PDE4C: variants seen among roughly 807,000 people sequenced by gnomAD.
PDE4C encodes the protein phosphodiesterase 4C, also known as 3',5'-cyclic-AMP phosphodiesterase 4C.
A neutral mutation model predicts 63.9 loss-of-function variants in PDE4C; 50 were observed. The observed-to-expected ratio is 0.78, with a 90% CI of 0.62 to 0.99. PDE4C has a LOEUF of 0.99. Ranked by LOEUF, PDE4C falls within the 50% of genes least tolerant of loss-of-function variation. PDE4C has a pLI of 0.00. For synonymous variants in PDE4C, 377 were observed against 385.1 expected (o/e 0.98, Z 0.25); for missense variants, 777 against 899.1 (o/e 0.86, Z 1.74).
At chr19:18,246,083 T>C (rs1435387538) in intron 1 of PDE4C, among the ~76,000 whole-genome samples, 1 of 150,968 alleles carries the variant, frequency 6.6e-6, no homozygotes, top group African/African-American at 2.4e-5. Context: ...TGGTGTGATC[T>C]TGGCTCACTG....
chr19:18,224,201 G>A, intron 1 of PDE4C: 1 of 985,450 alleles, frequency 1.0e-6, no homozygotes, highest in Non-Finnish European at 1.2e-6. Flanking sequence ...AAAGGGCGTA[G>A]GGCAAGAACT....
chr19:18,242,368 C>CG (rs1474980489), intron 1 of PDE4C, among the ~76,000 whole-genome samples: 1 of 146,252 alleles, frequency 6.8e-6, no homozygotes, highest in Non-Finnish European at 1.5e-5. Flanking sequence ...CCCAGCTACT[C>CG]GGTAGGCTGA....
rs756937001 is a variant in PDE4C at position 18,218,930 on chromosome 19, G to A, written c.969+10C>T. The A allele has an allele frequency of 6.2e-7, 1 of 1,601,376 alleles. No homozygotes were observed. The highest frequency in any genetic ancestry group is 8.6e-7 in the Non-Finnish European group (1 of 1,168,420). ...AGTTTTTCCTTGGAAGCCAAGGGCA[G>A]GGTAGGTACCTGAAAAATGCTGAAT... On this transcript the variant is annotated intron_variant, in intron 9 of 14. Coordinates refer to ENST00000262805, the Ensembl canonical transcript of PDE4C.
At chr19:18,242,732 C>A (rs1969063765) in intron 1 of PDE4C, among the ~76,000 whole-genome samples, 1 of 149,456 alleles carries the variant, frequency 6.7e-6, no homozygotes, top group East Asian at 2.0e-4. Context: ...TTTCAGTGAG[C>A]CAAGATCGCA....
At chr19:18,241,151 G>A (rs1374213878) in intron 1 of PDE4C, among the ~76,000 whole-genome samples, 1 of 152,130 alleles carries the variant, frequency 6.6e-6, no homozygotes, top group African/African-American at 2.4e-5. Flanking sequence ...GGAATGAAGA[G>A]GGTGGGGTGT....
At chr19:18,233,050 A>C (rs1313499863) in exon 1 of PDE4C, 8 of 1,566,230 alleles carry the variant, frequency 5.1e-6, no homozygotes, top group Non-Finnish European at 6.9e-6. Flanking sequence ...TCCGGATCCG[A>C]ATAGAAGCGC....
rs1175399970 is a variant in PDE4C at position 18,211,839 on chromosome 19, G to A, written c.1615C>T (p.Gln539Ter). 6.2e-7 allele frequency: 1 copy of A among 1,614,256 alleles called. No individual in the cohort carries two copies. The highest frequency in any genetic ancestry group is 1.3e-5 in the African/African-American group (1 of 75,072). Reference sequence around the variant, plus strand: ...CCCGACTCACGCTCGCGGTCTCCCTGCTGGAAGAACTCGGCCATGATGCGG... The same window carrying A: ...CCCGACTCACGCTCGCGGTCTCCCTACTGGAAGAACTCGGCCATGATGCGG... Residue 539 changes from glutamine (Q) to a stop codon, truncating the protein, a stop_gained, in exon 14 of 15, where the codon CAG (glutamine) becomes TAG (stop). Coordinates refer to ENST00000262805, the Ensembl canonical transcript of PDE4C. LOFTEE classifies it high-confidence loss of function.
chr19:18,234,715 CT>C (rs1968921261), upstream of PDE4C, among the ~76,000 whole-genome samples: 1 of 152,138 alleles, frequency 6.6e-6, no homozygotes, highest in Non-Finnish European at 1.5e-5. Flanking sequence ...TCAACAAGGT[CT>C]TTCCCATGGA....
chr19:18,238,549 T>G (rs944989268), upstream of PDE4C, among the ~76,000 whole-genome samples: 2 of 152,058 alleles, frequency 1.3e-5, no homozygotes, highest in Non-Finnish European at 2.9e-5. Context: ...AGACCCTGTC[T>G]CTAAAAATAA....
upstream of PDE4C, among the ~76,000 whole-genome samples, chr19:18,251,353 T>G (rs1255062034): frequency 6.6e-6 from 1 of 151,640 alleles, no homozygotes; most frequent in African/African-American, 2.4e-5. Flanking sequence ...CTTGAACTCC[T>G]GACCTCAGGT....
chr19:18,213,561 G>A, intron 12 of PDE4C, 71 bp from the exon 13 acceptor site: 2 of 1,521,036 alleles, frequency 1.3e-6, no homozygotes, highest in Non-Finnish European at 1.8e-6. Flanking sequence ...CCAACTCCCA[G>A]ATGCCACTCT....
intron 1 of PDE4C, among the ~76,000 whole-genome samples, chr19:18,224,995 T>C (rs1968664433): frequency 6.6e-6 from 1 of 152,178 alleles, no homozygotes; most frequent in Non-Finnish European, 1.5e-5. Context: ...ATAGGGAAAC[T>C]GAGGCCAGGA....
chr19:18,227,670 A>G (rs993312959), upstream of PDE4C, among the ~76,000 whole-genome samples: 1 of 152,170 alleles, frequency 6.6e-6, no homozygotes, highest in African/African-American at 2.4e-5. Context: ...AGAAACAGCC[A>G]TGTCACAGGC....
At chr19:18,212,001 C>T in intron 13 of PDE4C, 60 bp from the exon 14 acceptor site, 1 of 1,539,876 alleles carries the variant, frequency 6.5e-7, no homozygotes, top group Non-Finnish European at 9.0e-7. Flanking sequence ...AGACCTGGCA[C>T]CTCCACAGAC....
the PDE4C span, among the ~76,000 whole-genome samples, chr19:18,254,418 G>A: frequency 1.3e-5 from 2 of 152,210 alleles, no homozygotes; most frequent in African/African-American, 2.4e-5. Flanking sequence ...GGGTTGACCA[G>A]AAGGTAAAAA....
upstream of PDE4C, among the ~76,000 whole-genome samples, chr19:18,249,335 T>A (rs1041776481): frequency 6.6e-6 from 1 of 152,054 alleles, no homozygotes; most frequent in East Asian, 1.9e-4. Context: ...AGTGCAGTGG[T>A]GCAATCTCAG....
upstream of PDE4C, chr19:18,252,270 G>A (rs1969239492): frequency 2.3e-5 from 9 of 399,210 alleles, no homozygotes; most frequent in East Asian, 3.2e-4. Context: ...CCTTGAATCT[G>A]TGGAGCTGGG....
chr19:18,239,484 G>A lies in PDE4C; in HGVS notation c.-209-6084C>T, dbSNP rs990478208. On this transcript the variant is annotated intron_variant, in intron 1 of 15. Transcript: ENST00000594617. ...TGGGAAATGGAGGCGAAAGGGGTAC[G>A]GATCCCTCAGAGGTGTTGATGATAA... 3.9e-5 allele frequency among the ~76,000 whole-genome samples: 6 copies of A among 152,150 alleles called. No homozygotes were observed. In the South Asian group the frequency reaches 8.3e-4, roughly 21 times the overall value.
chr19:18,218,301 C>T, intron 10 of PDE4C, 33 bp downstream of exon 10: 2 of 1,613,432 alleles, frequency 1.2e-6, no homozygotes, highest in Non-Finnish European at 8.5e-7. Context: ...GGGCCCTGCA[C>T]CCGCCCACCT....
Sources: allele counts gnomAD v4.1 joint callset (sites outside exome capture counted in the v4.1 genomes callset), GRCh38; gene constraint gnomAD v4.1.1; transcripts MANE v1.5; gene names NCBI Gene and HGNC (gene_info 2026-07-23, HGNC 2026-07-21).